Variants in MAST1 observed in about 807,000 individuals in gnomAD.
The protein encoded by MAST1 is microtubule-associated serine/threonine-protein kinase 1.
Under a neutral mutation model 124.6 loss-of-function variants are expected in MAST1, and 40 were observed. That is an observed-to-expected ratio of 0.32 (90% CI 0.25 to 0.42). MAST1 has a LOEUF of 0.42. MAST1 is among the 10% of genes least tolerant of loss of function. The pLI is 1.00. For missense variants in MAST1, 1,558 were observed against 2,181.9 expected (o/e 0.71, Z 5.70); for synonymous variants, 938 against 939.4 (o/e 1.00, Z 0.03).
rs370762521 is a variant in MAST1, at chr19:12,865,010, G to A, written c.1506-36G>A. 4.2e-5 allele frequency: 67 copies of A among 1,613,396 alleles called. No individual in the cohort carries two copies. In the African/African-American group the frequency reaches 7.1e-4, roughly 17 times the overall value. On this transcript the variant is annotated intron_variant, in intron 13 of 25. Transcript: ENST00000251472. The surrounding 1 kb of genome is among the most constrained non-coding windows in gnomAD (Gnocchi z 7.1). ...CGGGAGGCCAGGAGGCAGAATGGACGGGCCTCATCCCTGAGATCCCCACCT... is the reference window on the plus strand; with the variant it reads ...CGGGAGGCCAGGAGGCAGAATGGACAGGCCTCATCCCTGAGATCCCCACCT...
In MAST1 at chr19:12,865,852, C is replaced by T; in HGVS notation, c.1906+34C>T. ...GCCATGCAGAGGAGCTGAGGGCCCACTGATAGAGAGCAGGCCTCCAAAACC... is the reference window on the plus strand; with the variant it reads ...GCCATGCAGAGGAGCTGAGGGCCCATTGATAGAGAGCAGGCCTCCAAAACC... On this transcript the variant is annotated intron_variant, in intron 16 of 25. Transcript: ENST00000251472. The surrounding 1 kb of genome is among the most constrained non-coding windows in gnomAD (Gnocchi z 7.1). 1 of 1,604,468 alleles carries T rather than the reference C, an allele frequency of 6.2e-7. No individual in the cohort carries two copies. Among genetic ancestry groups the T allele is most frequent in the Non-Finnish European group, 8.5e-7 (1 of 1,173,544 alleles).
Position 12,874,099 on chromosome 19 carries a change from G to T in MAST1, c.3942G>T (p.Thr1314=). ...LHSLAESDGE[T]PPVEGLGAPR... is the part of the protein sequence containing the mutation. The stretch of plus-strand genomic sequence containing the variant: ...GCCTTGCCGAGTCCGACGGTGAGAC[G>T]CCCCCAGTCGAGGGCCTTGGCGCGC... The change falls in exon 26 of 26, where the codon ACG becomes ACT. Residue 1314 remains threonine (T), a synonymous_variant. Transcript: ENST00000251472. The surrounding 1 kb of genome is among the most constrained non-coding windows in gnomAD (Gnocchi z 6.6). The T allele has an allele frequency of 6.4e-7, 1 of 1,558,740 alleles. No homozygotes were observed. The highest frequency in any genetic ancestry group is 8.7e-7 in the Non-Finnish European group (1 of 1,154,570).
intron 12 of MAST1, among the ~76,000 whole-genome samples, chr19:12,863,376 C>T (rs1259232137): frequency 6.6e-6 from 1 of 151,812 alleles, no homozygotes; most frequent in African/African-American, 2.4e-5. Flanking sequence ...TTCCTGGGCC[C>T]CACCCTCAGA....
chr19:12,874,445 G>A lies in MAST1; in HGVS notation c.4288G>A (p.Gly1430Ser), dbSNP rs912889210. The change falls in exon 26 of 26, where the codon GGC (glycine) becomes AGC (serine). Residue 1430 changes from glycine (G) to serine (S), a missense_variant. By Grantham distance (56) the Gly-to-Ser change is moderately conservative. Coordinates refer to ENST00000251472, the MANE Select transcript of MAST1 (RefSeq NM_014975.3). This position sits in a 1 kb window ranked among gnomAD's most constrained non-coding sequence, Gnocchi z 6.6. ...TGRRSSSGEAGTPLVPIVVEP... is the reference protein window; with the variant it reads ...TGRRSSSGEASTPLVPIVVEP... ...CCGGCGCAGCAGCTCTGGCGAGGCG[G>A]GCACACCCCTGGTACCCATTGTCGT... is the stretch of plus-strand genomic sequence containing the variant. 6.3e-7 allele frequency: 1 copy of A among 1,596,956 alleles called. No homozygotes were observed. Among genetic ancestry groups the A allele is most frequent in the Non-Finnish European group, 8.5e-7 (1 of 1,178,300 alleles).
At chr19:12,868,102 G>GTTTTTTTTTTTT (rs1568414424) in intron 20 of MAST1, 125 bp downstream of exon 20, 60 of 539,034 alleles carry the variant, frequency 1.1e-4, no homozygotes, top group African/African-American at 3.0e-4. Flanking sequence ...TGCAATTTGG[G>GTTTTTTTTTTTT]ATTTTTTTTT....
At position 12,853,789 on chromosome 19, in the gene MAST1, G is replaced by A. The variant is rs368411405; in HGVS notation, c.1077+1394G>A. 4.8e-4 allele frequency among the ~76,000 whole-genome samples: 72 copies of A among 150,558 alleles called. 2 individuals carry two copies. The South Asian group carries it at 0.014, about 30-fold the overall frequency. ...GAAGGCTGAGGCAGGAGAATTGCTT[G>A]AACCCGGGAGGTGGAGGTTGGTGTG... On this transcript the variant is annotated intron_variant, in intron 10 of 25. Transcript: ENST00000251472.
At chr19:12,848,981 T>C (rs1345563472) in intron 7 of MAST1, 3 of 152,046 alleles carry the variant, frequency 2.0e-5, no homozygotes, top group African/African-American at 7.2e-5. Context: ...ATAAATGAAA[T>C]AAAATAAAAT....
intron 22 of MAST1, 118 bp from the exon 23 acceptor site, chr19:12,870,706 C>T: frequency 1.0e-6 from 1 of 990,108 alleles, no homozygotes; most frequent in Non-Finnish European, 1.4e-6. Flanking sequence ...ATAACTATTT[C>T]ACAAGGTGTT....
At chr19:12,873,166 T>C (rs1037148244) in intron 24 of MAST1, 158 bp from the exon 25 acceptor site, 1 of 678,958 alleles carries the variant, frequency 1.5e-6, no homozygotes, top group Non-Finnish European at 2.5e-6. Flanking sequence ...CAAGCAGCAC[T>C]GAGCTAAAGG....
At chr19:12,849,242 TC>T (rs1370416785) in intron 7 of MAST1, among the ~76,000 whole-genome samples, 5 of 152,100 alleles carry the variant, frequency 3.3e-5, no homozygotes, top group African/African-American at 9.7e-5. Flanking sequence ...TGCTTGAATG[TC>T]CCTTTGCAGT....
chr19:12,848,374 C>T (rs1361443439), intron 7 of MAST1: 4 of 305,766 alleles, frequency 1.3e-5, no homozygotes, highest in African/African-American at 2.2e-5. Flanking sequence ...AATCCCAGCA[C>T]TTTGGGAGGC....
chr19:12,857,618 T>C (rs1377230050), intron 10 of MAST1, among the ~76,000 whole-genome samples: 1 of 152,018 alleles, frequency 6.6e-6, no homozygotes, highest in Non-Finnish European at 1.5e-5. Flanking sequence ...TTCACAGTGT[T>C]AGCCAGGATG....
rs531557950 is a variant in MAST1 at position 12,846,653 on chromosome 19, G to A, written c.328-637G>A. 6.6e-5 allele frequency among the ~76,000 whole-genome samples: 10 copies of A among 152,074 alleles called. No homozygotes were observed. The South Asian group carries it at 2.1e-3, about 32-fold the overall frequency. On this transcript the variant is annotated intron_variant, in intron 4 of 25. Transcript: ENST00000251472. Reference sequence around the variant, plus strand: ...GCACTTTGGGAGGCAGAGGCAGGTGGATCACCTGATGTCAGGAGTTCAAGA... The same window carrying A: ...GCACTTTGGGAGGCAGAGGCAGGTGAATCACCTGATGTCAGGAGTTCAAGA...
chr19:12,867,724 AT>A lies in MAST1; in HGVS notation c.2319-5del. 6.5e-7 allele frequency: 1 copy of A among 1,531,616 alleles called. No homozygotes were observed. Among genetic ancestry groups the A allele is most frequent in the Non-Finnish European group, 8.8e-7 (1 of 1,140,068 alleles). The allele number at this position is 1,531,616 out of a possible 1,614,324, so 94.9% of individuals were successfully genotyped here. On this transcript the variant is annotated splice_region_variant and splice_polypyrimidine_tract_variant and intron_variant, in intron 19 of 25. Coordinates refer to ENST00000251472, the MANE Select transcript of MAST1 (RefSeq NM_014975.3). ...TGTCTTCCATAACCACGCCCCCTCC[AT>A]GCAGCAAGCGATTCTCCGCGTCCGA...
Position 12,840,489 on chromosome 19 carries a change from T to C in MAST1, c.127T>C (p.Ser43Pro). ...GAAAAGCCTCATCCTGACCAGCACT[T>C]CACCCACGCTACCGAGACCCCACTC... ...NRKSLILTST[S>P]PTLPRPHSPL... The change falls in exon 2 of 26, where the codon TCA becomes CCA. Residue 43 changes from serine to proline, a missense_variant. Transcript: ENST00000251472. 6.2e-7 allele frequency: 1 copy of C among 1,614,016 alleles called. No homozygotes were observed.
intron 10 of MAST1, among the ~76,000 whole-genome samples, chr19:12,852,836 C>T (rs538191988): frequency 8.9e-5 from 13 of 146,134 alleles, no homozygotes; most frequent in East Asian, 2.2e-4. Flanking sequence ...GCAACAAGAG[C>T]GAAACTGTCT....
Position 12,874,127 on chromosome 19 carries a change from C to T in MAST1, c.3970C>T (p.Arg1324Trp). The change falls in exon 26 of 26, where the codon CGG (arginine) becomes TGG (tryptophan). Residue 1324 changes from arginine to tryptophan, a missense_variant. Physicochemically the swap from Arg to Trp is moderately radical, Grantham distance 101. Around this residue, in one of 10 missense-constraint regions of MAST1, gnomAD observed 263 missense variants for 310.9 expected, o/e 0.85. Coordinates refer to ENST00000251472, the MANE Select transcript of MAST1 (RefSeq NM_014975.3). This position sits in a 1 kb window ranked among gnomAD's most constrained non-coding sequence, Gnocchi z 6.6. Reference sequence around the variant, plus strand: ...CCCAGTCGAGGGCCTTGGCGCGCCCCGGCAGGTCGCCGTCCGCCGCCTGGG... The same window carrying T: ...CCCAGTCGAGGGCCTTGGCGCGCCCTGGCAGGTCGCCGTCCGCCGCCTGGG... ...TPPVEGLGAP[R>W]QVAVRRLGRQ... 1.3e-6 allele frequency: 2 copies of T among 1,543,386 alleles called. No individual in the cohort carries two copies. Among genetic ancestry groups the T allele is most frequent in the Non-Finnish European group, 1.7e-6 (2 of 1,146,806 alleles).
chr19:12,848,348 G>C, intron 7 of MAST1: 1 of 369,092 alleles, frequency 2.7e-6, no homozygotes, highest in Non-Finnish European at 5.1e-6. Flanking sequence ...GGCCGGGCTC[G>C]GTGGCTCAGG....
chr19:12,874,860 C>G lies in MAST1; in HGVS notation c.4703C>G (p.Pro1568Arg), dbSNP rs773764996. The G allele has an allele frequency of 1.9e-6, 3 of 1,598,176 alleles. No individual in the cohort carries two copies. Among genetic ancestry groups the G allele is most frequent in the South Asian group, 1.1e-5 (1 of 89,570 alleles). ...AAAGGAGTGTCCAGTCCCGCACCCC[C>G]GGGACCATAGCCAAGGGGGTCATCG... ...TKKGVSSPAP[P>R]GP is the part of the protein sequence containing the mutation. Residue 1568 changes from proline to arginine, a missense_variant, in exon 26 of 26, where the codon CCG becomes CGG. Physicochemically the swap from Pro to Arg is moderately radical, Grantham distance 103. Around this residue, in one of 10 missense-constraint regions of MAST1, gnomAD observed 168 missense variants for 154.3 expected, o/e 1.09. Coordinates refer to ENST00000251472, the MANE Select transcript of MAST1 (RefSeq NM_014975.3). This position sits in a 1 kb window ranked among gnomAD's most constrained non-coding sequence, Gnocchi z 6.6.
Sources: allele counts gnomAD v4.1 joint callset (sites outside exome capture counted in the v4.1 genomes callset), GRCh38; gene constraint gnomAD v4.1.1; regional missense constraint gnomAD v4.1.1; non-coding constraint Gnocchi (gnomAD v3.1); transcripts MANE v1.5; gene names NCBI Gene and HGNC (gene_info 2026-07-23, HGNC 2026-07-21).